BRWD1: variants seen among roughly 807,000 people sequenced by gnomAD.
The protein encoded by BRWD1 is bromodomain and WD repeat domain containing 1.
A neutral mutation model predicts 251.2 loss-of-function variants in BRWD1; 82 were observed. The ratio of observed to expected loss-of-function variants is 0.33; its 90% CI spans 0.27 to 0.39. The LOEUF is 0.39. Ranked by LOEUF, BRWD1 falls within the 10% of genes least tolerant of loss-of-function variation. BRWD1 has a pLI of 1.00. For missense variants in BRWD1, 2,233 were observed against 2,711.6 expected, an observed-to-expected ratio of 0.82 and a Z score of 3.92; for synonymous variants, 918 against 902.8, an observed-to-expected ratio of 1.02 and a Z score of -0.30.
chr21:39,271,407 C>T (rs1030891360), intron 13 of BRWD1, among the ~76,000 whole-genome samples: 1 of 145,892 alleles, frequency 6.9e-6, no homozygotes, highest in Admixed American at 6.8e-5. Context: ...TTACAAGCAT[C>T]GGCCGGGCAC....
At chr21:39,212,300 A>AT (rs1367895891) in intron 34 of BRWD1, among the ~76,000 whole-genome samples, 1 of 152,144 alleles carries the variant, frequency 6.6e-6, no homozygotes, top group Non-Finnish European at 1.5e-5. Flanking sequence ...TATCACCATA[A>AT]TCTACCCCAA....
At chr21:39,313,747 G>A, upstream of BRWD1, 1 of 390,968 alleles carries the variant, frequency 2.6e-6, no homozygotes, top group Non-Finnish European at 4.6e-6. Flanking sequence ...GTCCCGCCCG[G>A]GGAGGCGAAC....
At chr21:39,209,819 A>G in intron 36 of BRWD1, 176 bp downstream of exon 36, 2 of 570,046 alleles carry the variant, frequency 3.5e-6, no homozygotes, top group Non-Finnish European at 5.5e-6. Context: ...AACTGAAGCT[A>G]TATGAGCAGT....
At chr21:39,318,837 C>T (rs940612385) in intron 1 of BRWD1, among the ~76,000 whole-genome samples, 16 of 152,122 alleles carry the variant, frequency 1.1e-4, no homozygotes, top group African/African-American at 3.9e-4. Flanking sequence ...CCAGGCTGGT[C>T]TCAAACTCCT....
In BRWD1 at chr21:39,295,743, T is replaced by C. The variant is rs781095761; in HGVS notation, c.609A>G (p.Thr203=). 4 of 1,572,538 alleles carry C rather than the reference T, an allele frequency of 2.5e-6. No individual in the cohort carries two copies. The highest frequency in any genetic ancestry group is 3.5e-6 in the Non-Finnish European group (4 of 1,157,932). ...AATCAAGTTTAAAATTTTTACTCAC[T>C]GTAAAGATTCTATGTCCTGTCCTAT... ...AFDRTGHRIF[T]GSDDCLVKIW... Residue 203 remains threonine (T), a splice_region_variant and synonymous_variant, in exon 7 of 41, where the codon ACA becomes ACG. Coordinates refer to ENST00000342449, the MANE Select transcript of BRWD1 (RefSeq NM_033656.4).
rs2031563204 is a variant in BRWD1 at position 39,191,688 on chromosome 21, A to C, written c.*4571T>G. 1 of 985,160 alleles carries C rather than the reference A, an allele frequency of 1.0e-6. No individual in the cohort carries two copies. The highest frequency in any genetic ancestry group is 1.2e-6 in the Non-Finnish European group (1 of 829,748). The allele number at this position is 985,160 out of a possible 1,614,324, so 61.0% of individuals were successfully genotyped here. A position where few individuals can be genotyped will look rare whatever the true frequency, so the allele number is the denominator to read the frequency against. On this transcript the variant is annotated 3_prime_UTR_variant, in exon 41 of 41. Coordinates refer to ENST00000342449, the MANE Select transcript of BRWD1 (RefSeq NM_033656.4). ...CTTTAACTTTTACCCACTGATCAAA[A>C]AAGGTAATTTTTAAAATGATTTACC...
chr21:39,246,100 C>A (rs373554081), intron 21 of BRWD1, among the ~76,000 whole-genome samples: 2 of 151,792 alleles, frequency 1.3e-5, no homozygotes, highest in African/African-American at 4.8e-5. Context: ...AAGACACCAC[C>A]AAAGAAGTGA....
Position 39,192,285 on chromosome 21 carries a change from G to GT in BRWD1, c.*3973dup, listed in dbSNP as rs1436734025. ...TACTTTTCAATCCTTACTATTCACA[G>GT]TTTGAGCTAGGAATTAACATTTGCT... On this transcript the variant is annotated 3_prime_UTR_variant, in exon 41 of 41. Coordinates refer to ENST00000342449, the MANE Select transcript of BRWD1 (RefSeq NM_033656.4). The GT allele has an allele frequency of 5.1e-6, 5 of 985,020 alleles. No homozygotes were observed. Among genetic ancestry groups the GT allele is most frequent in the Non-Finnish European group, 6.0e-6 (5 of 829,812 alleles). 61.0% of individuals were successfully genotyped at this position (985,020 alleles called of 1,614,324 possible). A position where few individuals can be genotyped will look rare whatever the true frequency, so the allele number is the denominator to read the frequency against.
intron 4 of BRWD1, among the ~76,000 whole-genome samples, chr21:39,299,224 A>G (rs915234122): frequency 7.1e-6 from 1 of 141,656 alleles, no homozygotes; most frequent in African/African-American, 2.7e-5. Context: ...ATATATATAC[A>G]TATTACGCTA....
intron 17 of BRWD1, 41 bp from the exon 18 acceptor site, chr21:39,258,713 G>GA: frequency 7.4e-7 from 1 of 1,352,500 alleles, no homozygotes; most frequent in Non-Finnish European, 9.7e-7. Flanking sequence ...TATAAAAGCA[G>GA]AAAACAAAAA....
Position 39,187,594 on chromosome 21 carries a change from T to C in BRWD1, c.*8665A>G. Reference sequence around the variant, plus strand: ...TTCTTCACATTGATATAACCTTACATTTGCTTATCTACAACTATAAGGATG... The same window carrying C: ...TTCTTCACATTGATATAACCTTACACTTGCTTATCTACAACTATAAGGATG... On this transcript the variant is annotated 3_prime_UTR_variant, in exon 41 of 41. Coordinates refer to ENST00000342449, the MANE Select transcript of BRWD1 (RefSeq NM_033656.4). 8.1e-6 allele frequency: 8 copies of C among 985,062 alleles called. No homozygotes were observed. The highest frequency in any genetic ancestry group is 9.6e-6 in the Non-Finnish European group (8 of 829,604). The allele number at this position is 985,062 out of a possible 1,614,324, so 61.0% of individuals were successfully genotyped here. A position where few individuals can be genotyped will look rare whatever the true frequency, so the allele number is the denominator to read the frequency against.
chr21:39,225,889 CAATTT>C (rs1770977618), intron 27 of BRWD1, among the ~76,000 whole-genome samples: 1 of 152,078 alleles, frequency 6.6e-6, no homozygotes, highest in Non-Finnish European at 1.5e-5. Context: ...TTTAAACTTA[CAATTT>C]AAGACAAACC....
upstream of BRWD1, among the ~76,000 whole-genome samples, chr21:39,316,260 A>G (rs1164595678): frequency 6.6e-6 from 1 of 152,176 alleles, no homozygotes; most frequent in Non-Finnish European, 1.5e-5. Context: ...AGTTGGGGTG[A>G]AATAAAAACC....
In BRWD1 at chr21:39,206,196, G is replaced by T; in HGVS notation, c.4276C>A (p.Gln1426Lys). The change falls in exon 37 of 41, where the codon CAA (glutamine) becomes AAA (lysine). Residue 1426 changes from glutamine to lysine, a missense_variant. By Grantham distance (53) the Gln-to-Lys change is moderately conservative. This residue lies in a region of BRWD1 where 69 missense variants were observed against 101.6 expected (regional missense o/e 0.68). Transcript: ENST00000342449. The stretch of plus-strand genomic sequence containing the variant: ...CTTCGAAGTTTTTCATTGAATTTTT[G>T]ACCAATTTTAAAATCAGAAGAGATT... ...KKISSDFKIG[Q>K]KFNEKLRRSQ... 6.2e-7 allele frequency: 1 copy of T among 1,612,660 alleles called. No individual in the cohort carries two copies. The highest frequency in any genetic ancestry group is 1.1e-5 in the South Asian group (1 of 90,904).
At chr21:39,292,541 T>C (rs1274247214) in intron 8 of BRWD1, among the ~76,000 whole-genome samples, 1 of 152,160 alleles carries the variant, frequency 6.6e-6, no homozygotes, top group Non-Finnish European at 1.5e-5. Context: ...ATCAGAAACT[T>C]TGGGAGTAGT....
Position 39,195,371 on chromosome 21 carries a change from T to C in BRWD1, c.*888A>G. On this transcript the variant is annotated 3_prime_UTR_variant, in exon 41 of 41. Transcript: ENST00000342449. ...CTGTACACTCTATTAAAGAACACAC[T>C]TCTAAATCTAAGGCACACGAATTCC... 1.0e-6 allele frequency: 1 copy of C among 985,442 alleles called. No individual in the cohort carries two copies. Among genetic ancestry groups the C allele is most frequent in the Middle Eastern group, 5.2e-4 (1 of 1,910 alleles). The allele number at this position is 985,442 out of a possible 1,614,324, so 61.0% of individuals were successfully genotyped here.
chr21:39,264,734 A>G (rs370364979), intron 16 of BRWD1, 49 bp from the exon 17 acceptor site: 96 of 1,503,212 alleles, frequency 6.4e-5, no homozygotes, highest in Non-Finnish European at 8.3e-5. Flanking sequence ...CACACATTTT[A>G]AAGGAAACAA....
intron 4 of BRWD1, among the ~76,000 whole-genome samples, chr21:39,300,714 C>A (rs1377409507): frequency 6.6e-6 from 1 of 152,146 alleles, no homozygotes; most frequent in Non-Finnish European, 1.5e-5. Flanking sequence ...CACAACAAAG[C>A]TAGATATATG....
At position 39,242,241 on chromosome 21, in the gene BRWD1, A is replaced by G. The variant is rs547081053; in HGVS notation, c.2482-3668T>C. Among the ~76,000 whole-genome samples the G allele has an allele frequency of 2.0e-5, 3 of 152,384 alleles. No individual in the cohort carries two copies. In the East Asian group the frequency reaches 5.8e-4, roughly 29 times the overall value. ...AAAATGCTATTCCAGTGAACACACAAATGGTAAGAAAGCAAAATAGCCATA... is the reference window on the plus strand; with the variant it reads ...AAAATGCTATTCCAGTGAACACACAGATGGTAAGAAAGCAAAATAGCCATA... On this transcript the variant is annotated intron_variant, in intron 21 of 40. Transcript: ENST00000342449.
Sources: gnomAD v4.1 joint callset for allele counts (sites outside exome capture counted in the v4.1 genomes callset) on GRCh38, gnomAD v4.1.1 for gene constraint, gnomAD v4.1.1 regional missense constraint, MANE v1.5 for transcripts, NCBI Gene and HGNC (gene_info 2026-07-23, HGNC 2026-07-21) for gene names.